SLC4A4: variants seen among roughly 807,000 people sequenced by gnomAD.
SLC4A4 encodes solute carrier family 4 member 4.
In SLC4A4, 27 loss-of-function variants were observed where a neutral mutation model predicts 111.5. The observed-to-expected ratio is 0.24, with a 90% CI of 0.18 to 0.33. SLC4A4 has a LOEUF of 0.33. Among genes scored for constraint, SLC4A4 ranks in the 10% least tolerant of loss-of-function variants. The probability of loss-of-function intolerance (pLI) is 1.00; values close to 1 mark genes in which losing one functional copy is unlikely to be tolerated. For synonymous variants in SLC4A4, 443 were observed against 463.4 expected, an observed-to-expected ratio of 0.96 and a Z score of 0.57; for missense variants, 909 against 1,315.5, an observed-to-expected ratio of 0.69 and a Z score of 4.78.
chr4:71,440,415 A>G (rs1724609762), intron 7 of SLC4A4, among the ~76,000 whole-genome samples: 1 of 152,228 alleles, frequency 6.6e-6, no homozygotes, highest in Non-Finnish European at 1.5e-5. Flanking sequence ...TTCAAGGTAC[A>G]GATAAATGTT....
At chr4:71,536,108 G>A (rs1274331662) in intron 18 of SLC4A4, among the ~76,000 whole-genome samples, 1 of 151,956 alleles carries the variant, frequency 6.6e-6, no homozygotes, top group Non-Finnish European at 1.5e-5. Context: ...GTAATGTTGG[G>A]TTATTTGCAC....
At chr4:71,348,346 CA>C (rs1729513660) in intron 4 of SLC4A4, among the ~76,000 whole-genome samples, 1 of 149,588 alleles carries the variant, frequency 6.7e-6, no homozygotes, top group Admixed American at 6.6e-5. Context: ...CACACACACA[CA>C]CACACACTAG....
chr4:71,246,076 G>T (rs1043529426), intron 2 of SLC4A4, among the ~76,000 whole-genome samples: 1 of 152,186 alleles, frequency 6.6e-6, no homozygotes. Flanking sequence ...GTGCCCAAGA[G>T]AAAACTATCA....
At chr4:71,560,002 G>A in intron 22 of SLC4A4, 91 bp from the exon 23 acceptor site, 1 of 969,000 alleles carries the variant, frequency 1.0e-6, no homozygotes, top group Non-Finnish European at 1.7e-6. Flanking sequence ...CACAAAGTAG[G>A]TTTCTGTGGT....
At chr4:71,466,976 A>AGAGAGAGAGG in intron 13 of SLC4A4, among the ~76,000 whole-genome samples, 1 of 142,230 alleles carries the variant, frequency 7.0e-6, no homozygotes, top group African/African-American at 2.7e-5. Flanking sequence ...GGAGAGAGAG[A>AGAGAGAGAGG]GAGGTCTGAG....
chr4:71,470,835 G>A (rs979935358), intron 13 of SLC4A4, among the ~76,000 whole-genome samples: 1 of 151,970 alleles, frequency 6.6e-6, no homozygotes, highest in Non-Finnish European at 1.5e-5. Context: ...GCAGTCTGCT[G>A]GAGAATTCTC....
rs191400075 is a variant in SLC4A4 at position 71,306,786 on chromosome 4, T to C, written c.254-32584T>C. Among the ~76,000 whole-genome samples, 395 of 152,286 alleles carry C rather than the reference T, an allele frequency of 2.6e-3. 4 individuals carry two copies. The highest frequency in any genetic ancestry group is 9.1e-3 in the African/African-American group (377 of 41,566). ...CAAATAACTCAGTTACCTGCAAAAATAGAATTTTTCTGATTGACAGTGATC... is the reference window on the plus strand; with the variant it reads ...CAAATAACTCAGTTACCTGCAAAAACAGAATTTTTCTGATTGACAGTGATC... On this transcript the variant is annotated intron_variant, in intron 3 of 25. Coordinates refer to ENST00000264485, the MANE Select transcript of SLC4A4 (RefSeq NM_001098484.3).
chr4:71,342,741 A>G (rs1413696860), intron 4 of SLC4A4, among the ~76,000 whole-genome samples: 3 of 152,174 alleles, frequency 2.0e-5, no homozygotes, highest in Admixed American at 6.5e-5. Flanking sequence ...TAGAGAGATT[A>G]TAGTTCATTG....
chr4:71,149,830 T>C (rs1223246011), intron 2 of SLC4A4, among the ~76,000 whole-genome samples: 1 of 152,216 alleles, frequency 6.6e-6, no homozygotes, highest in African/African-American at 2.4e-5. Flanking sequence ...AGAGTTTTAT[T>C]GGCTTACTTT....
intron 4 of SLC4A4, among the ~76,000 whole-genome samples, chr4:71,344,473 T>C (rs1005169452): frequency 1.3e-5 from 2 of 152,120 alleles, no homozygotes; most frequent in Non-Finnish European, 2.9e-5. Context: ...CTAATAAAAG[T>C]TTAATGCTTA....
At chr4:71,452,588 G>C (rs1408079780) in intron 11 of SLC4A4, among the ~76,000 whole-genome samples, 1 of 152,144 alleles carries the variant, frequency 6.6e-6, no homozygotes, top group Non-Finnish European at 1.5e-5. Context: ...GTAAGTGCAA[G>C]GTCAAGACTT....
At chr4:71,087,915 T>C (rs530897337) in intron 1 of SLC4A4, among the ~76,000 whole-genome samples, 2 of 151,952 alleles carry the variant, frequency 1.3e-5, no homozygotes, top group South Asian at 4.1e-4. Context: ...TAGATGTCTA[T>C]TAGGTCTGCT....
chr4:71,390,814 T>C (rs1163614357), intron 6 of SLC4A4, among the ~76,000 whole-genome samples: 1 of 152,136 alleles, frequency 6.6e-6, no homozygotes, highest in Non-Finnish European at 1.5e-5. Context: ...ATTGGCATTA[T>C]GAGATCCATG....
At chr4:71,528,716 A>C (rs771702617) in intron 16 of SLC4A4, among the ~76,000 whole-genome samples, 2 of 152,080 alleles carry the variant, frequency 1.3e-5, no homozygotes, top group Non-Finnish European at 2.9e-5. Context: ...AGAGTATTAG[A>C]AAAATAGATT....
At chr4:71,153,033 G>GTGTATATATATATATATATA (rs386400441) in intron 2 of SLC4A4, among the ~76,000 whole-genome samples, 2 of 132,718 alleles carry the variant, frequency 1.5e-5, no homozygotes, top group Non-Finnish European at 3.4e-5. Flanking sequence ...ATATGTGTGT[G>GTGTATATATATATATATATA]TATATATATA....
chr4:71,277,565 T>C (rs986961248), intron 3 of SLC4A4, among the ~76,000 whole-genome samples: 3 of 149,758 alleles, frequency 2.0e-5, no homozygotes, highest in Non-Finnish European at 3.0e-5. Context: ...TCTCTTTTTC[T>C]TTCCTTCCTT....
intron 2 of SLC4A4, among the ~76,000 whole-genome samples, chr4:71,161,642 C>T (rs137990437): frequency 1.3e-5 from 2 of 152,178 alleles, no homozygotes; most frequent in African/African-American, 4.8e-5. Context: ...CTGTTTATTC[C>T]CACTACTGAG....
At chr4:71,300,967 A>C (rs549588891) in intron 3 of SLC4A4, 4 of 506,744 alleles carry the variant, frequency 7.9e-6, no homozygotes, top group Non-Finnish European at 1.6e-5. Flanking sequence ...AGGGCTGATC[A>C]TGTGAAGGGA....
intron 3 of SLC4A4, among the ~76,000 whole-genome samples, chr4:71,322,987 T>G (rs1469025383): frequency 2.0e-5 from 3 of 151,980 alleles, no homozygotes; most frequent in African/African-American, 7.2e-5. Flanking sequence ...GGTTCAGAAC[T>G]GGCTATTCTA....
Sources: gnomAD v4.1 joint callset for allele counts (sites outside exome capture counted in the v4.1 genomes callset) on GRCh38, gnomAD v4.1.1 for gene constraint, MANE v1.5 for transcripts, NCBI Gene and HGNC (gene_info 2026-07-23, HGNC 2026-07-21) for gene names.